Variants in COL8A1 observed in about 807,000 individuals in gnomAD.
The protein encoded by COL8A1 is collagen alpha-1(VIII) chain.
COL8A1 carries 21 observed loss-of-function variants against 42.7 expected under a neutral mutation model. The ratio of observed to expected loss-of-function variants is 0.49; its 90% CI spans 0.35 to 0.71. The LOEUF (loss-of-function observed/expected upper bound fraction) is 0.71, where lower values mean the gene tolerates loss of function less well. Among genes scored for constraint, COL8A1 ranks in the 30% least tolerant of loss-of-function variants. COL8A1 has a pLI of 0.01. For synonymous variants in COL8A1, 367 were observed against 369.1 expected (o/e 0.99, Z 0.06); for missense variants, 788 against 962.4 (o/e 0.82, Z 2.40).
At chr3:99,754,198 T>C (rs962135977) in intron 2 of COL8A1, among the ~76,000 whole-genome samples, 6 of 152,200 alleles carry the variant, frequency 3.9e-5, no homozygotes, top group African/African-American at 1.2e-4. Context: ...CAACTTGGAT[T>C]AAGATTTGGA....
At chr3:99,670,845 T>G (rs1218802566) in intron 1 of COL8A1, among the ~76,000 whole-genome samples, 1 of 151,888 alleles carries the variant, frequency 6.6e-6, no homozygotes, top group African/African-American at 2.4e-5. Context: ...CACATATATA[T>G]CTATGGCTGG....
At chr3:99,677,142 TTACA>T (rs1231416842) in intron 1 of COL8A1, among the ~76,000 whole-genome samples, 1 of 151,124 alleles carries the variant, frequency 6.6e-6, no homozygotes, top group Non-Finnish European at 1.5e-5. Flanking sequence ...AACACATCAA[TTACA>T]TATATATATA....
Position 99,790,960 on chromosome 3 carries a change from T to A in COL8A1, c.278T>A (p.Ile93Asn), listed in dbSNP as rs773048223. Reference sequence around the variant, plus strand: ...CACCTACCCCAATATATGAAGGAAATTCAACCGGCGCCAAGAATGGGCAAG... The same window carrying A: ...CACCTACCCCAATATATGAAGGAAAATCAACCGGCGCCAAGAATGGGCAAG... ...YPHLPQYMKEIQPAPRMGKEA... is the reference protein window; with the variant it reads ...YPHLPQYMKENQPAPRMGKEA... The change falls in exon 3 of 4, where the codon ATT becomes AAT. Residue 93 changes from isoleucine to asparagine, a missense_variant. Ile to Asn is a moderately radical substitution (Grantham distance 149). Coordinates refer to ENST00000652472, the MANE Select transcript of COL8A1 (RefSeq NM_020351.4). 55 of 1,606,094 alleles carry A rather than the reference T, an allele frequency of 3.4e-5. No homozygotes were observed. The highest frequency in any genetic ancestry group is 6.0e-6 in the Non-Finnish European group (7 of 1,173,720).
rs535383419 is a variant in COL8A1, at chr3:99,677,859, C to T, written c.-129+39195C>T. The T allele has an allele frequency of 5.3e-5, 8 of 152,242 alleles. No individual in the cohort carries two copies. The East Asian group carries it at 1.5e-3, about 29-fold the overall frequency. The allele number at this position is 152,242 out of a possible 1,614,324, so 9.4% of individuals were successfully genotyped here. On this transcript the variant is annotated intron_variant, in intron 1 of 3. Coordinates refer to ENST00000652472, the MANE Select transcript of COL8A1 (RefSeq NM_020351.4). ...TTTACACAAAACCAAAAGTGAATTA[C>T]CCAGAGTGTGCTGGCAGAGAGACTT...
At chr3:99,753,385 G>A (rs1347043584) in intron 2 of COL8A1, among the ~76,000 whole-genome samples, 1 of 152,174 alleles carries the variant, frequency 6.6e-6, no homozygotes, top group African/African-American at 2.4e-5. Context: ...CAAGGACTAG[G>A]TGCCTATGGG....
At chr3:99,641,588 A>G (rs1937509141) in intron 1 of COL8A1, among the ~76,000 whole-genome samples, 1 of 152,222 alleles carries the variant, frequency 6.6e-6, no homozygotes, top group Non-Finnish European at 1.5e-5. Flanking sequence ...AGTCTCCTGA[A>G]AAGTGTAATG....
intron 2 of COL8A1, among the ~76,000 whole-genome samples, chr3:99,776,950 A>G (rs1466230337): frequency 6.6e-6 from 1 of 152,214 alleles, no homozygotes; most frequent in Non-Finnish European, 1.5e-5. Flanking sequence ...CATTATAACT[A>G]GCATGTAACG....
chr3:99,670,173 A>G lies in COL8A1; in HGVS notation c.-129+31509A>G, dbSNP rs1938498290. Among the ~76,000 whole-genome samples, 3 of 152,234 alleles carry G rather than the reference A, an allele frequency of 2.0e-5. No individual in the cohort carries two copies. The South Asian group carries it at 6.2e-4, about 32-fold the overall frequency. Reference sequence around the variant, plus strand: ...AAAGACAAGGTAGCATTAAACTGACACTAGCAGTAATCACTAAAAAGAAAA... The same window carrying G: ...AAAGACAAGGTAGCATTAAACTGACGCTAGCAGTAATCACTAAAAAGAAAA... On this transcript the variant is annotated intron_variant, in intron 1 of 3. Transcript: ENST00000652472.
At chr3:99,781,725 G>A (rs1403095512) in intron 2 of COL8A1, among the ~76,000 whole-genome samples, 1 of 152,122 alleles carries the variant, frequency 6.6e-6, no homozygotes, top group Non-Finnish European at 1.5e-5. Flanking sequence ...GTTCATGTAA[G>A]TAACAGTGTT....
At chr3:99,787,148 T>A (rs1576476717) in intron 2 of COL8A1, among the ~76,000 whole-genome samples, 1 of 152,186 alleles carries the variant, frequency 6.6e-6, no homozygotes, top group East Asian at 1.9e-4. Flanking sequence ...CCAATGAGGA[T>A]AAACGTACAA....
At chr3:99,791,879 T>A (rs973516566) in intron 3 of COL8A1, among the ~76,000 whole-genome samples, 1 of 152,346 alleles carries the variant, frequency 6.6e-6, no homozygotes, top group Non-Finnish European at 1.5e-5. Flanking sequence ...TTTTTCTTCA[T>A]TTGTAAAATA....
rs770331760 is a variant in COL8A1 at position 99,795,536 on chromosome 3, G to A, written c.1635G>A (p.Gly545=). The stretch of plus-strand genomic sequence containing the variant: ...TGGCAGGACTTCATGGCCCCCCAGG[G>A]AAGCCTGGTGCCCTTGGTCCTCAAG... ...PGVAGLHGPP[G]KPGALGPQGQ... is the part of the protein sequence containing the mutation. The change falls in exon 4 of 4, where the codon GGG becomes GGA. Residue 545 remains glycine, a synonymous_variant. Coordinates refer to ENST00000652472, the MANE Select transcript of COL8A1 (RefSeq NM_020351.4). 2.9e-5 allele frequency: 47 copies of A among 1,604,462 alleles called. No individual in the cohort carries two copies. Among genetic ancestry groups the A allele is most frequent in the Non-Finnish European group, 2.6e-5 (30 of 1,175,852 alleles).
chr3:99,639,971 C>T (rs1022003129), intron 1 of COL8A1, among the ~76,000 whole-genome samples: 1 of 152,148 alleles, frequency 6.6e-6, no homozygotes, highest in Admixed American at 6.5e-5. Context: ...ATGAAATTCT[C>T]CCCTATTAAA....
intron 2 of COL8A1, among the ~76,000 whole-genome samples, chr3:99,770,111 T>C (rs1035945671): frequency 5.3e-5 from 8 of 151,958 alleles, no homozygotes; most frequent in African/African-American, 1.9e-4. Context: ...AACAAAAGGG[T>C]ATGGTCTAGT....
intron 1 of COL8A1, among the ~76,000 whole-genome samples, chr3:99,737,748 A>G (rs1441220169): frequency 4.6e-5 from 7 of 151,986 alleles, no homozygotes; most frequent in Non-Finnish European, 7.4e-5. Context: ...CATTCTCTGT[A>G]TTTCCTGAAT....
intron 3 of COL8A1, among the ~76,000 whole-genome samples, chr3:99,792,171 G>A (rs1206117514): frequency 6.6e-6 from 1 of 152,144 alleles, no homozygotes; most frequent in African/African-American, 2.4e-5. Flanking sequence ...AAGTATTCCT[G>A]ACTTTCTTCT....
At chr3:99,749,162 A>C (rs2107411066) in intron 2 of COL8A1, among the ~76,000 whole-genome samples, 1 of 152,252 alleles carries the variant, frequency 6.6e-6, no homozygotes. Flanking sequence ...CTTATTTAGA[A>C]GAAAAAATAT....
chr3:99,743,902 A>AT (rs1365788964), intron 1 of COL8A1, among the ~76,000 whole-genome samples: 1 of 150,716 alleles, frequency 6.6e-6, no homozygotes, highest in Non-Finnish European at 1.5e-5. Context: ...CTCTTAAAAT[A>AT]TTTTTTGAAC....
intron 2 of COL8A1, among the ~76,000 whole-genome samples, chr3:99,772,577 G>A (rs920061225): frequency 6.6e-6 from 1 of 152,134 alleles, no homozygotes; most frequent in South Asian, 2.1e-4. Flanking sequence ...TGGGAACTTT[G>A]TACTCTCCCA....
Sources: gnomAD v4.1 joint callset for allele counts (sites outside exome capture counted in the v4.1 genomes callset) on GRCh38, gnomAD v4.1.1 for gene constraint, MANE v1.5 for transcripts, NCBI Gene and HGNC (gene_info 2026-07-23, HGNC 2026-07-21) for gene names.